The following TMOD3 variants were observed in gnomAD, a reference collection of about 807,000 sequenced individuals.
TMOD3 encodes tropomodulin 3, also known as tropomodulin-3.
Under a neutral mutation model 39.2 loss-of-function variants are expected in TMOD3, and 20 were observed. That is an observed-to-expected ratio of 0.51 (90% confidence interval 0.36 to 0.74). The LOEUF (loss-of-function observed/expected upper bound fraction) is 0.74. Among genes scored for constraint, TMOD3 ranks in the 30% least tolerant of loss-of-function variants. The pLI, the probability that TMOD3 is intolerant of heterozygous loss-of-function variation, is 0.00. For missense variants in TMOD3, 381 were observed against 412.8 expected (o/e 0.92, Z 0.67); for synonymous variants, 143 against 145.8 (o/e 0.98, Z 0.14).
chr15:51,847,836 A>G (rs1012860634), intron 1 of TMOD3, among the ~76,000 whole-genome samples: 3 of 152,216 alleles, frequency 2.0e-5, no homozygotes, highest in Non-Finnish European at 2.9e-5. Context: ...GTGCCAATAC[A>G]GTGCTTTGAG....
At chr15:51,858,675 G>A (rs2056400482) in intron 1 of TMOD3, among the ~76,000 whole-genome samples, 1 of 152,050 alleles carries the variant, frequency 6.6e-6, no homozygotes, top group Non-Finnish European at 1.5e-5. Flanking sequence ...CTTTTACAAT[G>A]AGAATAAACC....
chr15:51,880,412 C>T (rs919058), intron 3 of TMOD3, among the ~76,000 whole-genome samples: 5,091 of 152,204 alleles, frequency 0.033, 283 homozygotes, highest in African/African-American at 0.12. Flanking sequence ...TAGAATTATG[C>T]AACCATCACC....
intron 9 of TMOD3, among the ~76,000 whole-genome samples, chr15:51,902,853 G>T (rs918538716): frequency 6.6e-6 from 1 of 151,604 alleles, no homozygotes; most frequent in Non-Finnish European, 1.5e-5. Context: ...GGGTTTCACC[G>T]TGTTAGCCAG....
intron 1 of TMOD3, chr15:51,859,171 G>A: frequency 1.4e-6 from 1 of 711,024 alleles, no homozygotes; most frequent in Non-Finnish European, 2.6e-6. Context: ...AAAGATGGCT[G>A]TATTCTTCCT....
intron 1 of TMOD3, chr15:51,861,193 T>G (rs2141683161): frequency 4.2e-6 from 2 of 474,766 alleles, no homozygotes; most frequent in Middle Eastern, 3.8e-4. Context: ...GCCTTCTTAA[T>G]GATAGCGTTA....
At chr15:51,888,571 G>C (rs1461423636) in intron 4 of TMOD3, among the ~76,000 whole-genome samples, 1 of 152,108 alleles carries the variant, frequency 6.6e-6, no homozygotes, top group Non-Finnish European at 1.5e-5. Flanking sequence ...AAGGGTGTTC[G>C]TATTCTTACA....
chr15:51,893,257 T>C (rs2056603080), intron 5 of TMOD3, among the ~76,000 whole-genome samples: 1 of 120,676 alleles, frequency 8.3e-6, no homozygotes, highest in Non-Finnish European at 1.6e-5. Context: ...ATCTTGCTAC[T>C]GCACTCCAGC....
intron 3 of TMOD3, among the ~76,000 whole-genome samples, chr15:51,883,887 C>G (rs770505286): frequency 1.8e-4 from 27 of 152,204 alleles, no homozygotes; most frequent in Non-Finnish European, 3.1e-4. Context: ...AATTATGCCC[C>G]CCTGAAATGT....
chr15:51,844,895 TAAC>T, intron 1 of TMOD3, among the ~76,000 whole-genome samples: 1 of 152,302 alleles, frequency 6.6e-6, no homozygotes, highest in Non-Finnish European at 1.5e-5. Flanking sequence ...CTCTACTACT[TAAC>T]AACATTGGCT....
intron 9 of TMOD3, among the ~76,000 whole-genome samples, chr15:51,904,192 A>G (rs1418522459): frequency 6.6e-6 from 1 of 152,234 alleles, no homozygotes; most frequent in East Asian, 1.9e-4. Flanking sequence ...CATCTTAAGC[A>G]GGTGTGCCCC....
intron 3 of TMOD3, among the ~76,000 whole-genome samples, chr15:51,885,819 G>A (rs2056558375): frequency 1.3e-5 from 2 of 152,154 alleles, no homozygotes. Flanking sequence ...CTCCCAGACG[G>A]GGTGGCGGCC....
chr15:51,850,997 T>C (rs1266318477), intron 1 of TMOD3, among the ~76,000 whole-genome samples: 4 of 152,232 alleles, frequency 2.6e-5, no homozygotes, highest in African/African-American at 9.6e-5. Context: ...CCTCCCAAAG[T>C]GTACAGGCAT....
chr15:51,900,105 G>A (rs1241865111), intron 7 of TMOD3, 50 bp from the exon 8 acceptor site: 2 of 1,541,606 alleles, frequency 1.3e-6, no homozygotes, highest in African/African-American at 2.7e-5. Context: ...ACAATATGTA[G>A]TAGGTACTGT....
chr15:51,859,613 T>G, intron 1 of TMOD3: 1 of 554,322 alleles, frequency 1.8e-6, no homozygotes, highest in Non-Finnish European at 3.5e-6. Context: ...CCTCGGTGTC[T>G]TCTTGGCTTT....
At chr15:51,885,931 C>T (rs145041710) in intron 3 of TMOD3, among the ~76,000 whole-genome samples, 7,316 of 148,960 alleles carry the variant, frequency 0.049, 419 homozygotes, top group African/African-American at 0.13. Flanking sequence ...CCCCACCTCC[C>T]TCCCGGACAG....
chr15:51,904,465 G>C (rs759215070), intron 9 of TMOD3, among the ~76,000 whole-genome samples: 1 of 152,118 alleles, frequency 6.6e-6, no homozygotes, highest in Non-Finnish European at 1.5e-5. Flanking sequence ...ATAATTTTCT[G>C]GTACCTGAAT....
At chr15:51,900,858 A>G (rs1350939804) in intron 8 of TMOD3, among the ~76,000 whole-genome samples, 1 of 152,210 alleles carries the variant, frequency 6.6e-6, no homozygotes, top group Non-Finnish European at 1.5e-5. Flanking sequence ...TTGAGATATA[A>G]TTACATACAG....
chr15:51,849,405 T>C (rs2056350467), intron 1 of TMOD3, among the ~76,000 whole-genome samples: 1 of 152,166 alleles, frequency 6.6e-6, no homozygotes, highest in Non-Finnish European at 1.5e-5. Context: ...AGATTGGAGA[T>C]ATCAATTTAA....
At chr15:51,859,780 A>G (rs991061628) in intron 1 of TMOD3, 3 of 502,168 alleles carry the variant, frequency 6.0e-6, no homozygotes, top group South Asian at 3.2e-5. Context: ...CAGAGTCTCT[A>G]TAAACAGTTC....
Sources: gnomAD v4.1 joint callset for allele counts (sites outside exome capture counted in the v4.1 genomes callset) on GRCh38, gnomAD v4.1.1 for gene constraint, MANE v1.5 for transcripts, NCBI Gene and HGNC (gene_info 2026-07-23, HGNC 2026-07-21) for gene names.